TUSC3: variants seen among roughly 807,000 people sequenced by gnomAD.
TUSC3 encodes tumor suppressor candidate 3, also known as dolichyl-diphosphooligosaccharide--protein glycosyltransferase subunit TUSC3.
A neutral mutation model predicts 44.8 loss-of-function variants in TUSC3; 45 were observed. The observed-to-expected ratio is 1.00, with a 90% CI of 0.79 to 1.29. The LOEUF (loss-of-function observed/expected upper bound fraction) is 1.29. TUSC3 is among the 50% of genes most tolerant of loss of function. The pLI is 0.00. For synonymous variants in TUSC3, 212 were observed against 152.9 expected, an observed-to-expected ratio of 1.39 and a Z score of -2.85; for missense variants, 519 against 437.9, an observed-to-expected ratio of 1.19 and a Z score of -1.65.
chr8:15,655,523 A>T (rs527656776), intron 3 of TUSC3, among the ~76,000 whole-genome samples: 1 of 152,364 alleles, frequency 6.6e-6, no homozygotes, highest in East Asian at 1.9e-4. Context: ...TCCAAGTCAA[A>T]GTCCGAACAG....
chr8:15,572,736 C>G (rs868227747), intron 1 of TUSC3, among the ~76,000 whole-genome samples: 2 of 151,990 alleles, frequency 1.3e-5, no homozygotes, highest in Non-Finnish European at 2.9e-5. Context: ...TATTCATTGG[C>G]CTAATTTCAA....
chr8:15,651,315 TAACTGTTA>T (rs1485884999), intron 3 of TUSC3, among the ~76,000 whole-genome samples: 1 of 152,198 alleles, frequency 6.6e-6, no homozygotes, highest in Non-Finnish European at 1.5e-5. Flanking sequence ...AAGTTTTACT[TAACTGTTA>T]TTTTTTCCAA....
chr8:15,778,288 G>T, the TUSC3 span, among the ~76,000 whole-genome samples: 1 of 152,086 alleles, frequency 6.6e-6, no homozygotes, highest in African/African-American at 2.4e-5. Flanking sequence ...GATGAGGTGA[G>T]AGTATTACCA....
In TUSC3 at chr8:15,497,385, C is replaced by T. The variant is rs778550616; in HGVS notation, n.189+13902C>T. 5.3e-5 allele frequency among the ~76,000 whole-genome samples: 8 copies of T among 152,282 alleles called. 1 individual carries two copies. The Middle Eastern group carries it at 0.02, about 388-fold the overall frequency. On this transcript the variant is annotated intron_variant and non_coding_transcript_variant, in intron 2 of 5. Transcript: ENST00000503191. The stretch of plus-strand genomic sequence containing the variant: ...TTTATAATGAGCAGTAAGCCTGCCT[C>T]GCTCTTGCCCTGAAGGAGACACTAT...
chr8:15,528,709 T>C (rs1448411108), intron 2 of TUSC3, among the ~76,000 whole-genome samples: 1 of 152,222 alleles, frequency 6.6e-6, no homozygotes, highest in East Asian at 1.9e-4. Context: ...TGTGACCCTC[T>C]TGGATTCTTT....
intron 5 of TUSC3, among the ~76,000 whole-genome samples, chr8:15,673,307 G>A (rs901011207): frequency 2.0e-5 from 3 of 152,004 alleles, no homozygotes; most frequent in African/African-American, 7.2e-5. Flanking sequence ...TTTAAGTACC[G>A]TAATCCAAGA....
At chr8:15,769,529 C>T (rs1812404687), downstream of TUSC3, among the ~76,000 whole-genome samples, 1 of 152,168 alleles carries the variant, frequency 6.6e-6, no homozygotes, top group Admixed American at 6.5e-5. Context: ...ACAAAGACTT[C>T]ATGACTAAAA....
At chr8:15,733,790 G>A (rs896281652) in intron 7 of TUSC3, 2 of 153,126 alleles carry the variant, frequency 1.3e-5, no homozygotes, top group African/African-American at 2.4e-5. Flanking sequence ...AGTGGTTCAT[G>A]CCTGCAATCC....
chr8:15,756,279 A>T (rs1005166982), intron 9 of TUSC3, among the ~76,000 whole-genome samples: 3 of 152,094 alleles, frequency 2.0e-5, no homozygotes, highest in African/African-American at 7.2e-5. Context: ...CTCTCTCTCT[A>T]TATTTAACTT....
chr8:15,813,426 T>C, the TUSC3 span, among the ~76,000 whole-genome samples: 1 of 143,122 alleles, frequency 7.0e-6, no homozygotes, highest in Non-Finnish European at 1.5e-5. Flanking sequence ...CTGCCATCTC[T>C]GGGGTTTTCT....
At chr8:15,582,465 C>G (rs1803407664) in intron 1 of TUSC3, among the ~76,000 whole-genome samples, 1 of 152,294 alleles carries the variant, frequency 6.6e-6, no homozygotes, top group East Asian at 1.9e-4. Flanking sequence ...ATTTTGACCA[C>G]TTTGAATATC....
rs184299675 is a variant in TUSC3 at position 15,623,268 on chromosome 8, A to G, written c.308+19A>G. The G allele has an allele frequency of 4.5e-6, 7 of 1,563,162 alleles. 1 individual carries two copies. The highest frequency in any genetic ancestry group is 3.7e-5 in the Admixed American group (2 of 53,384). On this transcript the variant is annotated intron_variant, in intron 2 of 10. Coordinates refer to ENST00000503731, the MANE Select transcript of TUSC3 (RefSeq NM_006765.4). ...TGTGCAGGTAATTTATGTAATTAAA[A>G]AATATTAAAAACTATTATTCTTGGT... is the stretch of plus-strand genomic sequence containing the variant.
intron 6 of TUSC3, among the ~76,000 whole-genome samples, chr8:15,722,918 C>T (rs1810358017): frequency 6.6e-6 from 1 of 152,044 alleles, no homozygotes; most frequent in African/African-American, 2.4e-5. Flanking sequence ...ATTGCTCCTT[C>T]CCATACAGCC....
At chr8:15,582,157 C>G (rs896574264) in intron 1 of TUSC3, among the ~76,000 whole-genome samples, 1 of 152,220 alleles carries the variant, frequency 6.6e-6, no homozygotes, top group Non-Finnish European at 1.5e-5. Context: ...ATGCCTCGCC[C>G]TGCTTCGGCT....
intron 2 of TUSC3, among the ~76,000 whole-genome samples, chr8:15,489,628 A>G (rs1466543868): frequency 6.6e-6 from 1 of 152,200 alleles, no homozygotes; most frequent in African/African-American, 2.4e-5. Flanking sequence ...ATGTGATGCT[A>G]TACTACAGTT....
the TUSC3 span, among the ~76,000 whole-genome samples, chr8:15,817,522 C>T: frequency 2.6e-5 from 4 of 152,080 alleles, no homozygotes; most frequent in East Asian, 5.8e-4. Context: ...GTAATTGAAT[C>T]ATGGGGGTGG....
rs117595879 is a variant in TUSC3, at chr8:15,627,409, C to A, written c.308+4160C>A. 5.1e-3 allele frequency among the ~76,000 whole-genome samples: 771 copies of A among 152,374 alleles called. 1 individual carries two copies. Among genetic ancestry groups the A allele is most frequent in the Non-Finnish European group, 7.0e-3 (477 of 68,038 alleles). On this transcript the variant is annotated intron_variant, in intron 2 of 10. Coordinates refer to ENST00000503731, the MANE Select transcript of TUSC3 (RefSeq NM_006765.4). ...CACTAAAGCTCCTCTTTGTCTTACT[C>A]ACCCTCCGGTTGTTTGTGTGCTTCT...
chr8:15,664,689 C>G (rs961235571), intron 5 of TUSC3, among the ~76,000 whole-genome samples: 1 of 149,622 alleles, frequency 6.7e-6, no homozygotes, highest in East Asian at 1.9e-4. Flanking sequence ...GTTTGTAATA[C>G]TTTTCTGCAT....
intron 6 of TUSC3, among the ~76,000 whole-genome samples, chr8:15,675,918 G>A (rs970148957): frequency 2.6e-5 from 4 of 152,006 alleles, no homozygotes; most frequent in African/African-American, 9.7e-5. Flanking sequence ...TGTCTTTTTT[G>A]TAGAACAATT....
Sources: gnomAD v4.1 joint callset for allele counts (sites outside exome capture counted in the v4.1 genomes callset) on GRCh38, gnomAD v4.1.1 for gene constraint, MANE v1.5 for transcripts, NCBI Gene and HGNC (gene_info 2026-07-23, HGNC 2026-07-21) for gene names.